The following IL20RB variants were observed in gnomAD, a reference collection of about 807,000 sequenced individuals.
IL20RB encodes interleukin 20 receptor subunit beta, also known as interleukin-20 receptor subunit beta.
Under a neutral mutation model 33.3 loss-of-function variants are expected in IL20RB, and 21 were observed. The observed-to-expected ratio is 0.63, with a 90% CI of 0.45 to 0.91. The LOEUF is 0.91. Ranked by LOEUF, IL20RB falls within the 40% of genes least tolerant of loss-of-function variation. The pLI is 0.00. For missense variants in IL20RB, 345 were observed against 384.8 expected (o/e 0.90, Z 0.86); for synonymous variants, 147 against 146.8 (o/e 1.00, Z -0.01).
At chr3:136,995,610 G>T (rs956974921) in intron 6 of IL20RB, 54 bp downstream of exon 6, 2 of 1,576,310 alleles carry the variant, frequency 1.3e-6, no homozygotes, top group Admixed American at 1.7e-5. Flanking sequence ...GATGTAGTTT[G>T]GGCCTTAGCT....
intron 5 of IL20RB, among the ~76,000 whole-genome samples, 181 bp downstream of exon 5, chr3:136,992,269 G>A (rs140884319): frequency 5.2e-4 from 79 of 152,362 alleles, no homozygotes; most frequent in African/African-American, 1.7e-3. Context: ...CCTAGAGGCA[G>A]GAGTCCACCC....
intron 6 of IL20RB, 55 bp from the exon 7 acceptor site, chr3:137,010,058 T>C (rs1933046402): frequency 1.6e-5 from 13 of 818,530 alleles, no homozygotes; most frequent in Non-Finnish European, 2.5e-5. Context: ...TAATATTCTT[T>C]AGTATTACTA....
chr3:136,972,074 T>C (rs1241694015), intron 1 of IL20RB, among the ~76,000 whole-genome samples: 2 of 152,238 alleles, frequency 1.3e-5, no homozygotes, highest in Non-Finnish European at 2.9e-5. Flanking sequence ...CAATTTGCAT[T>C]TCTCTGATGG....
chr3:136,977,747 A>T (rs772806850), intron 1 of IL20RB, among the ~76,000 whole-genome samples: 3 of 152,094 alleles, frequency 2.0e-5, no homozygotes, highest in Non-Finnish European at 2.9e-5. Flanking sequence ...GCTGGCCTCG[A>T]ACTCCTGAGC....
At chr3:136,961,453 C>T (rs1197457133) in intron 1 of IL20RB, among the ~76,000 whole-genome samples, 3 of 151,548 alleles carry the variant, frequency 2.0e-5, no homozygotes, top group Admixed American at 1.3e-4. Context: ...CTGAGTTAAT[C>T]TAGGGTGCTG....
At chr3:137,006,060 A>T (rs2344093) in intron 6 of IL20RB, among the ~76,000 whole-genome samples, 91,216 of 152,032 alleles carry the variant, frequency 0.6, 27,860 homozygotes, top group East Asian at 0.9. Context: ...CTGGGTTGAA[A>T]ATTCTTTTCT....
chr3:136,995,545 C>T lies in IL20RB; in HGVS notation c.814C>T (p.Pro272Ser). The change falls in exon 6 of 7, where the codon CCA becomes TCA. Residue 272 changes from proline to serine, a missense_variant. By Grantham distance (74) the Pro-to-Ser change is moderately conservative. Coordinates refer to ENST00000329582, the MANE Select transcript of IL20RB (RefSeq NM_144717.4). ...QYSCCPVVVL[P>S]DTLKITNSPQ... ...CTCCTGTTGCCCCGTGGTGGTCCTC[C>T]CAGACACCTTGGTAATAGAGTAGTT... 6.2e-7 allele frequency: 1 copy of T among 1,614,110 alleles called. No homozygotes were observed. The highest frequency in any genetic ancestry group is 1.3e-5 in the African/African-American group (1 of 75,028).
At chr3:136,971,817 G>A (rs371347746) in intron 1 of IL20RB, among the ~76,000 whole-genome samples, 1 of 152,136 alleles carries the variant, frequency 6.6e-6, no homozygotes, top group Admixed American at 6.6e-5. Flanking sequence ...GTTTCCCTTT[G>A]ACATATTGAT....
intron 1 of IL20RB, among the ~76,000 whole-genome samples, chr3:136,966,243 A>G (rs1168108543): frequency 1.7e-4 from 22 of 129,496 alleles, no homozygotes; most frequent in African/African-American, 5.3e-4. Flanking sequence ...CTCTTTTTCT[A>G]TTGATTGGAA....
intron 4 of IL20RB, among the ~76,000 whole-genome samples, chr3:136,991,434 G>T (rs911304698): frequency 6.6e-6 from 1 of 152,170 alleles, no homozygotes; most frequent in Non-Finnish European, 1.5e-5. Context: ...TTAGAGCAGT[G>T]CCTAGCACAT....
chr3:136,997,358 T>A (rs571802080), intron 6 of IL20RB, among the ~76,000 whole-genome samples: 3 of 152,126 alleles, frequency 2.0e-5, no homozygotes, highest in Non-Finnish European at 4.4e-5. Context: ...TCTCAAAGTG[T>A]TGGGATTATA....
Position 136,996,306 on chromosome 3 carries a change from C to T in IL20RB, c.825+750C>T, listed in dbSNP as rs192717608. 5.3e-5 allele frequency among the ~76,000 whole-genome samples: 8 copies of T among 152,200 alleles called. No individual in the cohort carries two copies. The East Asian group carries it at 1.5e-3, about 29-fold the overall frequency. ...AGATGTTTCCCGCCAACCCCCAGAC[C>T]TCAACCACACAAAGCAGTGCAATAA... On this transcript the variant is annotated intron_variant, in intron 6 of 6. Transcript: ENST00000329582.
intron 1 of IL20RB, among the ~76,000 whole-genome samples, chr3:136,972,729 T>G (rs1467888626): frequency 6.6e-6 from 1 of 152,012 alleles, no homozygotes; most frequent in African/African-American, 2.4e-5. Context: ...TTTGTTAATC[T>G]TTTTGAAGAA....
At chr3:136,982,589 A>G (rs1941803741) in intron 3 of IL20RB, among the ~76,000 whole-genome samples, 1 of 152,152 alleles carries the variant, frequency 6.6e-6, no homozygotes, top group African/African-American at 2.4e-5. Flanking sequence ...CAGGGTGTGC[A>G]GGTGTTGGGG....
intron 6 of IL20RB, among the ~76,000 whole-genome samples, chr3:137,008,443 C>A (rs550735680): frequency 4.6e-5 from 7 of 152,270 alleles, no homozygotes; most frequent in African/African-American, 1.7e-4. Flanking sequence ...AAATGAGAAG[C>A]CCAGAAATCT....
chr3:136,978,173 T>G (rs1353360585), intron 1 of IL20RB, among the ~76,000 whole-genome samples: 1 of 150,614 alleles, frequency 6.6e-6, no homozygotes, highest in Non-Finnish European at 1.5e-5. Context: ...CTTGTTTTTT[T>G]TTTTTTTTTT....
At chr3:136,987,242 G>T (rs191359979) in intron 3 of IL20RB, among the ~76,000 whole-genome samples, 212 of 152,068 alleles carry the variant, frequency 1.4e-3, no homozygotes, top group African/African-American at 4.8e-3. Context: ...TGATTCGTGC[G>T]TTTACAATCC....
At chr3:136,975,781 G>A (rs1211030840) in intron 1 of IL20RB, among the ~76,000 whole-genome samples, 1 of 152,212 alleles carries the variant, frequency 6.6e-6, no homozygotes, top group Non-Finnish European at 1.5e-5. Flanking sequence ...CCCCAATTGT[G>A]GCAGTGGTGG....
intron 1 of IL20RB, among the ~76,000 whole-genome samples, chr3:136,963,948 G>GT (rs1288533098): frequency 1.7e-5 from 1 of 60,084 alleles, no homozygotes; most frequent in Non-Finnish European, 3.1e-5. Context: ...GCGGTGTTTG[G>GT]TTTTTTGTTC....
Sources: allele counts gnomAD v4.1 joint callset (sites outside exome capture counted in the v4.1 genomes callset), GRCh38; gene constraint gnomAD v4.1.1; transcripts MANE v1.5; gene names NCBI Gene and HGNC (gene_info 2026-07-23, HGNC 2026-07-21).